The following SYNE2 variants were observed in gnomAD, a reference collection of about 807,000 sequenced individuals.
SYNE2 encodes nesprin-2.
Under a neutral mutation model 856.3 loss-of-function variants are expected in SYNE2, and 431 were observed. The observed-to-expected ratio is 0.50, with a 90% CI of 0.47 to 0.55. SYNE2 has a LOEUF of 0.55. Among genes scored for constraint, SYNE2 ranks in the 20% least tolerant of loss-of-function variants. The probability of loss-of-function intolerance (pLI) is 0.00; values close to 1 mark genes in which losing one functional copy is unlikely to be tolerated. For missense variants in SYNE2, 8,129 were observed against 8,023.2 expected (o/e 1.01, Z -0.50); for synonymous variants, 2,923 against 2,872.3 (o/e 1.02, Z -0.56).
At chr14:64,150,967 C>G (rs954709735) in intron 84 of SYNE2, among the ~76,000 whole-genome samples, 56 of 152,174 alleles carry the variant, frequency 3.7e-4, no homozygotes, top group Non-Finnish European at 5.9e-5. Flanking sequence ...TAAATTCACC[C>G]ACATGTTAGT....
intron 45 of SYNE2, among the ~76,000 whole-genome samples, chr14:64,036,225 A>G (rs1595028509): frequency 6.7e-6 from 1 of 148,176 alleles, no homozygotes; most frequent in South Asian, 2.1e-4. Flanking sequence ...CACCTCCCCT[A>G]TTCTAAGAAT....
At chr14:63,946,724 A>AAT (rs979190209) in intron 6 of SYNE2, among the ~76,000 whole-genome samples, 15 of 150,156 alleles carry the variant, frequency 1.0e-4, no homozygotes, top group Admixed American at 2.7e-4. Context: ...TCCTTTGTAG[A>AAT]ATATATATAT....
At chr14:63,968,045 C>A (rs1199342162) in intron 11 of SYNE2, among the ~76,000 whole-genome samples, 199 bp downstream of exon 11, 3 of 152,116 alleles carry the variant, frequency 2.0e-5, no homozygotes, top group Non-Finnish European at 4.4e-5. Flanking sequence ...CACCTGTAAT[C>A]CCAGCTACTC....
chr14:63,966,621 C>A (rs2096396710), intron 10 of SYNE2, among the ~76,000 whole-genome samples: 2 of 151,206 alleles, frequency 1.3e-5, no homozygotes, highest in Non-Finnish European at 1.5e-5. Context: ...TGCAGTGGCC[C>A]GATCACAGTT....
chr14:64,173,898 G>T, intron 94 of SYNE2: 1 of 675,082 alleles, frequency 1.5e-6, no homozygotes, highest in Admixed American at 2.4e-5. Context: ...TCTCTTTAAA[G>T]AACGCCCATG....
In SYNE2 at chr14:64,162,291, C is replaced by G. The variant is rs1217471247; in HGVS notation, c.16299+15C>G. 3 of 1,613,716 alleles carry G rather than the reference C, an allele frequency of 1.9e-6. No homozygotes were observed. The highest frequency in any genetic ancestry group is 2.7e-5 in the African/African-American group (2 of 74,932). On this transcript the variant is annotated intron_variant, in intron 88 of 115. Coordinates refer to ENST00000555002, the MANE Select transcript of SYNE2 (RefSeq NM_182914.3). ...AGGACATAAAGGTGGGTACAAAGCC[C>G]ATTTGGAAAACCAAGGCCAAGTCAG...
intron 19 of SYNE2, 95 bp downstream of exon 19, chr14:63,986,712 A>G: frequency 1.5e-6 from 2 of 1,319,044 alleles, no homozygotes; most frequent in Non-Finnish European, 2.2e-6. Flanking sequence ...TAATAAGCCT[A>G]CAGTTTTAAT....
intron 32 of SYNE2, among the ~76,000 whole-genome samples, chr14:64,012,466 A>G (rs1219282818): frequency 2.0e-5 from 3 of 152,226 alleles, no homozygotes; most frequent in Non-Finnish European, 4.4e-5. Flanking sequence ...AACTGTTTCA[A>G]TCACTGCGTA....
intron 1 of SYNE2, among the ~76,000 whole-genome samples, chr14:63,861,360 G>A (rs1020901041): frequency 6.6e-6 from 1 of 151,780 alleles, no homozygotes; most frequent in Non-Finnish European, 1.5e-5. Flanking sequence ...GGTCATGCTG[G>A]TCTCGAACTC....
intron 60 of SYNE2, among the ~76,000 whole-genome samples, chr14:64,091,330 A>T (rs1461913374): frequency 6.6e-6 from 1 of 152,234 alleles, no homozygotes; most frequent in East Asian, 1.9e-4. Context: ...TGAACAAGGC[A>T]TTTGCAGCCT....
chr14:64,122,949 AT>A (rs2097909452), intron 70 of SYNE2, among the ~76,000 whole-genome samples: 2 of 151,982 alleles, frequency 1.3e-5, no homozygotes, highest in African/African-American at 4.8e-5. Flanking sequence ...AAAATACAAA[AT>A]TAGCTGGCCG....
At chr14:64,184,329 GGTGTGTGT>G (rs767980383) in intron 96 of SYNE2, among the ~76,000 whole-genome samples, 73 of 144,250 alleles carry the variant, frequency 5.1e-4, no homozygotes, top group East Asian at 3.5e-3. Context: ...TATGCATAGG[GGTGTGTGT>G]GTGTGTGTGT....
At chr14:63,996,578 T>C (rs1398038770) in intron 23 of SYNE2, among the ~76,000 whole-genome samples, 5 of 152,164 alleles carry the variant, frequency 3.3e-5, no homozygotes, top group Admixed American at 3.3e-4. Context: ...GTCCTCTTGG[T>C]GGTCCTTCTG....
chr14:64,153,410 A>G (rs960500436), intron 85 of SYNE2, among the ~76,000 whole-genome samples: 8 of 152,202 alleles, frequency 5.3e-5, no homozygotes, highest in African/African-American at 1.7e-4. Flanking sequence ...CAATGGTATA[A>G]TCTATACCAT....
At chr14:64,020,126 G>C in intron 35 of SYNE2, 33 bp downstream of exon 35, 3 of 1,451,880 alleles carry the variant, frequency 2.1e-6, no homozygotes, top group Non-Finnish European at 2.9e-6. Flanking sequence ...TTCAGTTATT[G>C]AGGCTTCAGT....
chr14:64,188,141 A>C lies in SYNE2; in HGVS notation c.17713-409A>C, dbSNP rs187886333. Among the ~76,000 whole-genome samples, 11 of 152,334 alleles carry C rather than the reference A, an allele frequency of 7.2e-5. No individual in the cohort carries two copies. In the East Asian group the frequency reaches 7.7e-4, roughly 11 times the overall value. ...ATTATAAATGTTTGATTGACATTCTATCTGGATTAATAGTTTTTAAGTTAA... is the reference window on the plus strand; with the variant it reads ...ATTATAAATGTTTGATTGACATTCTCTCTGGATTAATAGTTTTTAAGTTAA... On this transcript the variant is annotated intron_variant, in intron 97 of 115. Transcript: ENST00000555002.
intron 32 of SYNE2, among the ~76,000 whole-genome samples, chr14:64,014,842 A>G (rs897844451): frequency 6.7e-6 from 1 of 150,244 alleles, no homozygotes; most frequent in African/African-American, 2.4e-5. Context: ...GCTTGTTAAA[A>G]TGGTGGGTTA....
At chr14:64,196,697 T>A (rs912434550) in intron 99 of SYNE2, 5 of 152,260 alleles carry the variant, frequency 3.3e-5, no homozygotes, top group African/African-American at 1.2e-4. Flanking sequence ...TCTAAATGTT[T>A]CTTCTCTCTG....
Position 64,220,640 on chromosome 14 carries a change from A to G in SYNE2, c.20061+3A>G. 6.2e-7 allele frequency: 1 copy of G among 1,613,594 alleles called. No individual in the cohort carries two copies. Among genetic ancestry groups the G allele is most frequent in the African/African-American group, 1.3e-5 (1 of 75,050 alleles). ...GACAGTCGCTCATGCAGTGCCAGGT[A>G]CGCTGACTCAGCAGCCCGCCTCCCA... is the stretch of plus-strand genomic sequence containing the variant. On this transcript the variant is annotated splice_donor_region_variant and intron_variant, in intron 111 of 115. Coordinates refer to ENST00000555002, the MANE Select transcript of SYNE2 (RefSeq NM_182914.3).
Sources: allele counts gnomAD v4.1 joint callset (sites outside exome capture counted in the v4.1 genomes callset), GRCh38; gene constraint gnomAD v4.1.1; transcripts MANE v1.5; gene names NCBI Gene and HGNC (gene_info 2026-07-23, HGNC 2026-07-21).